The following CLCN5 variants were observed in gnomAD, a reference collection of about 807,000 sequenced individuals.
CLCN5 encodes Cl-/H+ antiporter 5, also known as H(+)/Cl(-) exchange transporter 5.
CLCN5 carries 17 observed loss-of-function variants against 54.0 expected under a neutral mutation model. The ratio of observed to expected loss-of-function variants is 0.31; its 90% CI spans 0.22 to 0.47. The LOEUF is 0.47. Ranked by LOEUF, CLCN5 falls within the 20% of genes least tolerant of loss-of-function variation. The pLI is 1.00. For missense variants in CLCN5, 448 were observed against 646.7 expected (o/e 0.69, Z 3.33); for synonymous variants, 222 against 233.0 (o/e 0.95, Z 0.43).
chrX:49,980,519 T>A (rs1284524177), intron 3 of CLCN5, among the ~76,000 whole-genome samples: 4 of 111,567 alleles, frequency 3.6e-5, no homozygotes, highest in African/African-American at 1.3e-4. Context: ...TCTGAAATTT[T>A]AAAAAAATCT....
intron 3 of CLCN5, among the ~76,000 whole-genome samples, chrX:49,952,754 TA>T (rs1927104888): frequency 8.9e-6 from 1 of 112,376 alleles, no homozygotes; most frequent in Non-Finnish European, 1.9e-5. Flanking sequence ...TATGTTATTG[TA>T]ATATGTATTT....
intron 3 of CLCN5, among the ~76,000 whole-genome samples, chrX:49,942,201 G>A (rs1297840200): frequency 1.2e-5 from 1 of 82,153 alleles, no homozygotes; most frequent in Admixed American, 1.5e-4. Flanking sequence ...ATACTTGTTT[G>A]AATTAAAATG....
chrX:50,069,967 T>C lies in CLCN5; in HGVS notation c.252T>C (p.Tyr84=), dbSNP rs1557191337. The C allele has an allele frequency of 8.3e-7, 1 of 1,207,838 alleles. No individual in the cohort carries two copies. Among genetic ancestry groups the C allele is most frequent in the Non-Finnish European group, 1.1e-6 (1 of 893,865 alleles). Residue 84 remains tyrosine (Y), a synonymous_variant, in exon 5 of 15, where the codon TAT becomes TAC. Transcript: ENST00000376091. ...LEEPIPGVGT[Y]DDFNTIDWVR... ...AGCCAATCCCTGGTGTAGGGACCTA[T>C]GATGATTTCAATACAATTGATTGGG...
chrX:50,055,447 G>C (rs1162099016), intron 4 of CLCN5, among the ~76,000 whole-genome samples: 1 of 111,491 alleles, frequency 9.0e-6, no homozygotes, highest in Non-Finnish European at 1.9e-5. Flanking sequence ...ATCACACTTT[G>C]TTCTTATTTA....
intron 3 of CLCN5, among the ~76,000 whole-genome samples, chrX:49,938,009 G>A (rs1926092553): frequency 9.0e-6 from 1 of 111,494 alleles, no homozygotes; most frequent in South Asian, 3.8e-4. Context: ...AAGTCAAAGG[G>A]TTGTCTGTCA....
Position 50,086,414 on chromosome X carries a change from A to G in CLCN5, c.1101A>G (p.Pro367=). ...CATTCACTCTACGCTCCATCAATCC[A>G]TTTGGGAACAGCCGCCTGGTACTAT... is the stretch of plus-strand genomic sequence containing the variant. ...VAAFTLRSIN[P]FGNSRLVLFY... Residue 367 remains proline, a synonymous_variant, in exon 11 of 15, where the codon CCA becomes CCG. Coordinates refer to ENST00000376091, the MANE Select transcript of CLCN5 (RefSeq NM_001127898.4). 1 of 1,210,752 alleles carries G rather than the reference A, an allele frequency of 8.3e-7. No individual in the cohort carries two copies. Among genetic ancestry groups the G allele is most frequent in the Non-Finnish European group, 1.1e-6 (1 of 895,082 alleles).
chrX:50,035,159 A>G (rs1931932110), intron 3 of CLCN5, among the ~76,000 whole-genome samples: 1 of 111,189 alleles, frequency 9.0e-6, no homozygotes, highest in African/African-American at 3.3e-5. Flanking sequence ...GCAATCTCCC[A>G]TTCCATTTTC....
intron 3 of CLCN5, among the ~76,000 whole-genome samples, chrX:49,995,284 G>A (rs781812332): frequency 4.5e-5 from 5 of 111,853 alleles, no homozygotes; most frequent in African/African-American, 6.5e-5. Context: ...TGGCGAAGGG[G>A]AAGTAATTTG....
chrX:50,029,470 A>G (rs1380653533), intron 3 of CLCN5, among the ~76,000 whole-genome samples: 1 of 111,074 alleles, frequency 9.0e-6, no homozygotes, highest in East Asian at 2.8e-4. Flanking sequence ...TGTCCCTACA[A>G]AGGACATGAA....
intron 8 of CLCN5, among the ~76,000 whole-genome samples, chrX:50,081,308 A>G (rs1216653032): frequency 9.1e-6 from 1 of 110,257 alleles, no homozygotes; most frequent in Non-Finnish European, 1.9e-5. Context: ...CTCTCAAAAC[A>G]TGCCTCTTGG....
chrX:49,982,066 C>A (rs1210655434), intron 3 of CLCN5, among the ~76,000 whole-genome samples: 1 of 110,176 alleles, frequency 9.1e-6, no homozygotes, highest in Non-Finnish European at 1.9e-5. Context: ...TTTTGCAAAG[C>A]AGCAACAGAG....
At chrX:49,987,371 A>T (rs934202429) in intron 3 of CLCN5, among the ~76,000 whole-genome samples, 4 of 111,985 alleles carry the variant, frequency 3.6e-5, no homozygotes, top group East Asian at 2.8e-4. Flanking sequence ...TAAGCAGTAC[A>T]TTTCTCATAG....
At chrX:49,935,882 A>G (rs1213150746) in intron 3 of CLCN5, among the ~76,000 whole-genome samples, 2 of 110,862 alleles carry the variant, frequency 1.8e-5, no homozygotes, top group Non-Finnish European at 3.8e-5. Context: ...CAAGTACCCT[A>G]ACTTGGTAAC....
chrX:49,966,322 T>G (rs1356901437), intron 3 of CLCN5, among the ~76,000 whole-genome samples: 2 of 111,031 alleles, frequency 1.8e-5, no homozygotes, highest in African/African-American at 6.5e-5. Context: ...ATTTGTCCAT[T>G]TCATCTATGT....
At position 49,958,107 on chromosome X, in the gene CLCN5, A is replaced by G. The variant is rs1933549294; in HGVS notation, c.16+32793A>G. Among the ~76,000 whole-genome samples, 2 of 111,615 alleles carry G rather than the reference A, an allele frequency of 1.8e-5. 1 individual carries two copies. The highest frequency in any genetic ancestry group is 7.6e-4 in the South Asian group (2 of 2,636). ...CAAGACTTCCTTTTGCTGTCCCTTT[A>G]TATAGCCACATCCCTTCCTCCTCCT... On this transcript the variant is annotated intron_variant, in intron 3 of 14. Coordinates refer to ENST00000376091, the MANE Select transcript of CLCN5 (RefSeq NM_001127898.4).
chrX:50,032,712 C>G (rs1258143004), intron 3 of CLCN5, among the ~76,000 whole-genome samples: 1 of 109,985 alleles, frequency 9.1e-6, no homozygotes, highest in Admixed American at 9.6e-5. Context: ...TGTGCGGAAG[C>G]TCTTGAGTTT....
At chrX:50,025,442 C>T (rs781819153) in intron 3 of CLCN5, among the ~76,000 whole-genome samples, 12 of 105,752 alleles carry the variant, frequency 1.1e-4, no homozygotes, top group Middle Eastern at 4.8e-3. Flanking sequence ...CCGTCTTCTG[C>T]GTCGCTCACG....
intron 3 of CLCN5, among the ~76,000 whole-genome samples, chrX:49,978,389 C>T (rs782038598): frequency 1.8e-5 from 2 of 112,321 alleles, no homozygotes; most frequent in African/African-American, 6.5e-5. Context: ...CATTGAATGG[C>T]GATTGTCCTG....
In CLCN5 at chrX:50,092,792, GTATGTT is replaced by G. The variant is rs1934147303; in HGVS notation, c.*580_*585del. 1 of 114,691 alleles carries G rather than the reference GTATGTT, an allele frequency of 8.7e-6. No individual in the cohort carries two copies. The highest frequency in any genetic ancestry group is 1.8e-5 in the Non-Finnish European group (1 of 54,510). 9.5% of individuals were successfully genotyped at this position (114,691 alleles called of 1,213,427 possible). On this transcript the variant is annotated 3_prime_UTR_variant, in exon 15 of 15. Coordinates refer to ENST00000376091, the MANE Select transcript of CLCN5 (RefSeq NM_001127898.4). ...TTAGCATTATTAGTTTGTTATGTGTGTATGTTTATGTTAATTTTAATTTCTGATTAT... is the reference window on the plus strand; with the variant it reads ...TTAGCATTATTAGTTTGTTATGTGTGTATGTTAATTTTAATTTCTGATTAT...
Sources: gnomAD v4.1 joint callset for allele counts (sites outside exome capture counted in the v4.1 genomes callset) on GRCh38, gnomAD v4.1.1 for gene constraint, MANE v1.5 for transcripts, NCBI Gene and HGNC (gene_info 2026-07-23, HGNC 2026-07-21) for gene names.